TBX18: variants seen among roughly 807,000 people sequenced by gnomAD.
TBX18 encodes the protein T-box transcription factor TBX18.
Under a neutral mutation model 55.0 loss-of-function variants are expected in TBX18, and 21 were observed. The observed-to-expected ratio is 0.38, with a 90% CI of 0.27 to 0.55. The LOEUF (loss-of-function observed/expected upper bound fraction) is 0.55. Ranked by LOEUF, TBX18 falls within the 20% of genes least tolerant of loss-of-function variation. The pLI is 0.73. For synonymous variants in TBX18, 342 were observed against 326.1 expected, an observed-to-expected ratio of 1.05 and a Z score of -0.53; for missense variants, 840 against 799.6, an observed-to-expected ratio of 1.05 and a Z score of -0.61.
chr6:84,740,229 G>T (rs549873209), intron 6 of TBX18, among the ~76,000 whole-genome samples: 1 of 152,274 alleles, frequency 6.6e-6, no homozygotes, highest in East Asian at 1.9e-4. Context: ...TCTGGCTTCA[G>T]ATGTAATCAA....
chr6:84,738,242 T>C (rs1024948352), intron 7 of TBX18, among the ~76,000 whole-genome samples: 6 of 152,144 alleles, frequency 3.9e-5, no homozygotes, highest in Admixed American at 3.9e-4. Context: ...CTAATTTTAA[T>C]ACGAGATTTA....
Position 84,743,735 on chromosome 6 carries a change from G to A in TBX18, c.1004+526C>T, listed in dbSNP as rs1020993994. ...CCACTTAGTACAAACACCACAAAAC[G>A]TGAAACAGAAAAAATAAACAAGTAT... On this transcript the variant is annotated intron_variant, in intron 6 of 7. Transcript: ENST00000369663. Among the ~76,000 whole-genome samples the A allele has an allele frequency of 4.6e-4, 70 of 152,060 alleles. 2 individuals carry two copies. Among genetic ancestry groups the A allele is most frequent in the Admixed American group, 4.5e-3 (68 of 15,260 alleles).
chr6:84,738,911 G>A (rs1034116191), intron 6 of TBX18, among the ~76,000 whole-genome samples: 4 of 152,166 alleles, frequency 2.6e-5, no homozygotes, highest in Non-Finnish European at 4.4e-5. Context: ...TGGCTGCTGT[G>A]AGTCCAAGGC....
At chr6:84,746,452 G>A (rs868334098) in intron 5 of TBX18, among the ~76,000 whole-genome samples, 23 of 141,976 alleles carry the variant, frequency 1.6e-4, no homozygotes, top group Admixed American at 1.1e-3. Context: ...ATAATATTTC[G>A]TATATTATAT....
At chr6:84,743,606 A>G (rs1767104134) in intron 6 of TBX18, among the ~76,000 whole-genome samples, 1 of 152,140 alleles carries the variant, frequency 6.6e-6, no homozygotes, top group Non-Finnish European at 1.5e-5. Flanking sequence ...ACTGAACTAT[A>G]TTGGAGTAGA....
intron 3 of TBX18, among the ~76,000 whole-genome samples, 191 bp from the exon 4 acceptor site, chr6:84,757,060 G>C (rs564288920): frequency 1.3e-5 from 2 of 152,266 alleles, no homozygotes; most frequent in Non-Finnish European, 2.9e-5. Flanking sequence ...TGACAATTCA[G>C]ACTAAGGGGC....
Position 84,735,770 on chromosome 6 carries a change from A to G in TBX18, c.*915T>C, listed in dbSNP as rs1406987451. 6.6e-6 allele frequency: 1 copy of G among 152,198 alleles called. No individual in the cohort carries two copies. The highest frequency in any genetic ancestry group is 2.4e-5 in the African/African-American group (1 of 41,460). 9.4% of individuals were successfully genotyped at this position (152,198 alleles called of 1,614,324 possible). On this transcript the variant is annotated 3_prime_UTR_variant, in exon 8 of 8. Transcript: ENST00000369663. ...AAAAACATAAGGTATAGTTAACAAT[A>G]GTATTACTCTTGATTTAAAAGATAG...
At chr6:84,751,753 G>A (rs1206056148) in intron 4 of TBX18, among the ~76,000 whole-genome samples, 1 of 152,170 alleles carries the variant, frequency 6.6e-6, no homozygotes, top group Admixed American at 6.6e-5. Context: ...AATTTAGACA[G>A]CAAGCTAGAA....
chr6:84,748,173 A>G, intron 4 of TBX18, 86 bp from the exon 5 acceptor site: 4 of 997,834 alleles, frequency 4.0e-6, no homozygotes, highest in Non-Finnish European at 5.7e-6. Flanking sequence ...TGTACAATCA[A>G]TTCTGATTGG....
intron 4 of TBX18, among the ~76,000 whole-genome samples, chr6:84,754,569 T>C (rs774295695): frequency 1.3e-5 from 2 of 152,202 alleles, no homozygotes; most frequent in African/African-American, 2.4e-5. Flanking sequence ...AATAGTAAAA[T>C]ATTATAATTA....
At chr6:84,744,434 G>T (rs1767128374) in intron 5 of TBX18, 109 bp from the exon 6 acceptor site, 3 of 813,158 alleles carry the variant, frequency 3.7e-6, no homozygotes, top group South Asian at 1.9e-5. Flanking sequence ...GGACTCTATT[G>T]TATAAGCCTC....
chr6:84,739,763 C>T (rs1189142029), intron 6 of TBX18, among the ~76,000 whole-genome samples: 1 of 152,168 alleles, frequency 6.6e-6, no homozygotes, highest in Non-Finnish European at 1.5e-5. Flanking sequence ...GAGAGTCATA[C>T]CACATACACA....
intron 1 of TBX18, chr6:84,763,054 A>G: frequency 2.0e-6 from 1 of 488,038 alleles, no homozygotes; most frequent in Non-Finnish European, 3.7e-6. Context: ...CCAGCAGAAA[A>G]GGCTTCACGC....
intron 5 of TBX18, among the ~76,000 whole-genome samples, chr6:84,746,689 T>C (rs1767203695): frequency 6.7e-6 from 1 of 148,298 alleles, no homozygotes; most frequent in Non-Finnish European, 1.5e-5. Context: ...TTATATATAA[T>C]ACGTTAAATA....
Position 84,737,305 on chromosome 6 carries a change from G to C in TBX18, c.1204C>G (p.Leu402Val). The C allele has an allele frequency of 6.2e-7, 1 of 1,605,744 alleles. No individual in the cohort carries two copies. The highest frequency in any genetic ancestry group is 8.5e-7 in the Non-Finnish European group (1 of 1,175,820). The part of the protein sequence containing the change: ...GSSCSSPAFH[L>V]GPNTSQLCSL... ...CACAGCTGGCTGGTGTTGGGCCCCA[G>C]ATGGAAGGCAGGAGAGGAGCAAGAG... The change falls in exon 8 of 8, where the codon CTG becomes GTG. Residue 402 changes from leucine (L) to valine (V), a missense_variant. By Grantham distance (32) the Leu-to-Val change is conservative (BLOSUM62 1). Transcript: ENST00000369663.
chr6:84,750,808 A>T (rs1309536297), intron 4 of TBX18, among the ~76,000 whole-genome samples: 2 of 152,170 alleles, frequency 1.3e-5, no homozygotes, highest in Non-Finnish European at 2.9e-5. Context: ...TAGTTAACAT[A>T]CTCTTTAACA....
At chr6:84,757,614 A>G (rs919736475) in intron 3 of TBX18, among the ~76,000 whole-genome samples, 6 of 152,074 alleles carry the variant, frequency 3.9e-5, no homozygotes, top group Non-Finnish European at 7.4e-5. Flanking sequence ...AAATAATGGT[A>G]TATCTAATTA....
intron 6 of TBX18, among the ~76,000 whole-genome samples, chr6:84,743,886 A>T (rs1433073472): frequency 6.6e-6 from 1 of 152,208 alleles, no homozygotes; most frequent in Non-Finnish European, 1.5e-5. Context: ...TACTCCACAG[A>T]CAATATCAAT....
chr6:84,762,957 G>T, intron 1 of TBX18: 1 of 604,744 alleles, frequency 1.7e-6, no homozygotes. Flanking sequence ...GCTCCAGTGT[G>T]GCCTGCTTGG....
Sources: allele counts gnomAD v4.1 joint callset (sites outside exome capture counted in the v4.1 genomes callset), GRCh38; gene constraint gnomAD v4.1.1; transcripts MANE v1.5; gene names NCBI Gene and HGNC (gene_info 2026-07-23, HGNC 2026-07-21).